The following APBB1IP variants were observed in gnomAD, a reference collection of about 807,000 sequenced individuals.
APBB1IP encodes the protein amyloid beta precursor protein binding family B member 1 interacting protein.
In APBB1IP, 27 loss-of-function variants were observed where a neutral mutation model predicts 64.9. The observed-to-expected ratio is 0.42, with a 90% CI of 0.31 to 0.57. The LOEUF (loss-of-function observed/expected upper bound fraction) is 0.57, where lower values mean the gene tolerates loss of function less well. Among genes scored for constraint, APBB1IP ranks in the 20% least tolerant of loss-of-function variants. APBB1IP has a pLI of 0.20. For synonymous variants in APBB1IP, 392 were observed against 331.0 expected (o/e 1.18, Z -2.00); for missense variants, 812 against 845.5 (o/e 0.96, Z 0.49).
Position 26,533,423 on chromosome 10 carries a change from T to C in APBB1IP, c.814-16T>C, listed in dbSNP as rs1471548603. ...AATGAACACTTACTGATCTGATCTT[T>C]TAACATTTTATTTAGAATTTCTACT... On this transcript the variant is annotated splice_polypyrimidine_tract_variant and intron_variant, in intron 8 of 14. Coordinates refer to ENST00000376236, the MANE Select transcript of APBB1IP (RefSeq NM_019043.4). The C allele has an allele frequency of 1.3e-6, 2 of 1,521,676 alleles. No homozygotes were observed. Among genetic ancestry groups the C allele is most frequent in the Admixed American group, 1.8e-5 (1 of 55,778 alleles). The allele number at this position is 1,521,676 out of a possible 1,614,324, so 94.3% of individuals were successfully genotyped here. A position where few individuals can be genotyped will look rare whatever the true frequency, so the allele number is the denominator to read the frequency against.
In APBB1IP at chr10:26,525,691, A is replaced by C. The variant is rs909018652; in HGVS notation, c.814-7748A>C. Reference sequence around the variant, plus strand: ...GGTTTATGGCTGAGGTCGCTATTGCAAAAGACAGATTACCAACAACAAAAA... The same window carrying C: ...GGTTTATGGCTGAGGTCGCTATTGCCAAAGACAGATTACCAACAACAAAAA... On this transcript the variant is annotated intron_variant, in intron 8 of 14. Coordinates refer to ENST00000376236, the MANE Select transcript of APBB1IP (RefSeq NM_019043.4). 1.8e-4 allele frequency among the ~76,000 whole-genome samples: 27 copies of C among 152,330 alleles called. 1 individual carries two copies. The highest frequency in any genetic ancestry group is 1.6e-3 in the Admixed American group (24 of 15,292).
Position 26,554,505 on chromosome 10 carries a change from C to G in APBB1IP, c.1156-5600C>G, listed in dbSNP as rs144090137. ...GACTATCTTCTTTCTTTGTCTTTGT[C>G]TGTGTCTGTTTCTTCTCTTCTTATA... On this transcript the variant is annotated intron_variant, in intron 11 of 14. Coordinates refer to ENST00000376236, the MANE Select transcript of APBB1IP (RefSeq NM_019043.4). Among the ~76,000 whole-genome samples, 636 of 152,304 alleles carry G rather than the reference C, an allele frequency of 4.2e-3. 5 individuals are homozygous for G. Among genetic ancestry groups the G allele is most frequent in the African/African-American group, 0.015 (613 of 41,564 alleles).
At chr10:26,493,502 A>T (rs1455741749) in intron 3 of APBB1IP, among the ~76,000 whole-genome samples, 1 of 152,138 alleles carries the variant, frequency 6.6e-6, no homozygotes, top group Non-Finnish European at 1.5e-5. Context: ...ACGTCCATGA[A>T]ATCTTCGCAA....
At chr10:26,560,029 T>A (rs535883844) in intron 11 of APBB1IP, 76 bp from the exon 12 acceptor site, 145 of 1,257,056 alleles carry the variant, frequency 1.2e-4, no homozygotes, top group African/African-American at 3.8e-4. Context: ...AGATTTTTTT[T>A]AAATTTCCTG....
chr10:26,493,696 A>T (rs1418752701), intron 3 of APBB1IP, among the ~76,000 whole-genome samples: 2 of 152,226 alleles, frequency 1.3e-5, no homozygotes, highest in African/African-American at 4.8e-5. Context: ...TTGATTAGAC[A>T]TACATCAAGC....
In APBB1IP at chr10:26,511,891, C is replaced by A; in HGVS notation, c.676C>A (p.Pro226Thr). Residue 226 changes from proline (P) to threonine (T), a missense_variant, in exon 7 of 15, where the codon CCG becomes ACG. This residue lies in a region of APBB1IP where 394 missense variants were observed against 413.1 expected (regional missense o/e 0.95). Transcript: ENST00000376236. ...NVDWCLYEIY[P>T]ELQIERFFED... is the part of the protein sequence containing the mutation. ...AGACTGGTGTCTTTATGAAATCTAC[C>A]CGGAACTACAAATTGGTAAGTCCCA... 6.2e-7 allele frequency: 1 copy of A among 1,614,164 alleles called. No individual in the cohort carries two copies. Among genetic ancestry groups the A allele is most frequent in the Non-Finnish European group, 8.5e-7 (1 of 1,180,022 alleles).
chr10:26,492,225 T>G (rs954136826), intron 2 of APBB1IP, 102 bp from the exon 3 acceptor site: 1 of 1,005,914 alleles, frequency 9.9e-7, no homozygotes. Context: ...CCAACTTAGC[T>G]GCCCATGGAT....
At chr10:26,494,565 C>T (rs1346607624) in intron 3 of APBB1IP, among the ~76,000 whole-genome samples, 1 of 152,222 alleles carries the variant, frequency 6.6e-6, no homozygotes, top group African/African-American at 2.4e-5. Context: ...CAGTGGCTCA[C>T]ACCTGTAATG....
rs534549559 is a variant in APBB1IP, at chr10:26,456,099, G to A, written c.-1+17246G>A. Among the ~76,000 whole-genome samples the A allele has an allele frequency of 1.2e-4, 18 of 152,312 alleles. No individual in the cohort carries two copies. In the East Asian group the frequency reaches 2.9e-3, roughly 24 times the overall value. On this transcript the variant is annotated intron_variant, in intron 2 of 14. Coordinates refer to ENST00000376236, the MANE Select transcript of APBB1IP (RefSeq NM_019043.4). ...AATGATTGCTAAGGGATGGGGAGAG[G>A]AGGAGTGAACGGATACAGGGTTTCT... is the stretch of plus-strand genomic sequence containing the variant.
intron 2 of APBB1IP, among the ~76,000 whole-genome samples, chr10:26,444,970 C>T (rs776039380): frequency 9.2e-5 from 14 of 151,712 alleles, no homozygotes; most frequent in South Asian, 2.1e-4. Context: ...TGGTGGTGCA[C>T]GCCTGTAGTC....
chr10:26,511,718 T>C, intron 6 of APBB1IP, 29 bp from the exon 7 acceptor site: 1 of 1,606,962 alleles, frequency 6.2e-7, no homozygotes, highest in Non-Finnish European at 8.5e-7. Flanking sequence ...TGCTGAAATT[T>C]ACTGGCTGCC....
At chr10:26,441,853 T>C (rs1253113345) in intron 2 of APBB1IP, among the ~76,000 whole-genome samples, 1 of 152,234 alleles carries the variant, frequency 6.6e-6, no homozygotes, top group African/African-American at 2.4e-5. Flanking sequence ...GATCATCACA[T>C]AGTAATAGCA....
chr10:26,541,433 C>T, intron 10 of APBB1IP, 149 bp from the exon 11 acceptor site: 1 of 626,008 alleles, frequency 1.6e-6, no homozygotes, highest in Non-Finnish European at 2.7e-6. Context: ...TTTGAGAAAA[C>T]CTATACATGG....
At chr10:26,500,722 TC>T in intron 4 of APBB1IP, 96 bp from the exon 5 acceptor site, 1 of 1,157,412 alleles carries the variant, frequency 8.6e-7, no homozygotes, top group Non-Finnish European at 1.2e-6. Flanking sequence ...AGATAATGAT[TC>T]CTTTCTACTC....
At chr10:26,468,546 G>A (rs1333659746) in intron 2 of APBB1IP, among the ~76,000 whole-genome samples, 6 of 152,178 alleles carry the variant, frequency 3.9e-5, no homozygotes, top group East Asian at 1.9e-4. Flanking sequence ...GTATATGTTC[G>A]TGGGTTCCCT....
At position 26,533,521 on chromosome 10, in the gene APBB1IP, T is replaced by C. The variant is rs1588608215; in HGVS notation, c.896T>C (p.Leu299Pro). ...AATGCTAAGAACAAGGAATCCTTAC[T>C]TGAGGTAAGGTTAATTTTGCAGAGT... Reference protein sequence around the residue: ...KMNAKNKESLLEESFCGTSII... With the variant: ...KMNAKNKESLPEESFCGTSII... Residue 299 changes from leucine (L) to proline (P), a missense_variant, in exon 9 of 15, where the codon CTT becomes CCT. This residue lies in a region of APBB1IP where 394 missense variants were observed against 413.1 expected (regional missense o/e 0.95). Coordinates refer to ENST00000376236, the MANE Select transcript of APBB1IP (RefSeq NM_019043.4). The C allele has an allele frequency of 6.3e-7, 1 of 1,596,098 alleles. No individual in the cohort carries two copies. The highest frequency in any genetic ancestry group is 8.5e-7 in the Non-Finnish European group (1 of 1,172,054).
At chr10:26,450,690 CTT>C (rs10685344) in intron 2 of APBB1IP, among the ~76,000 whole-genome samples, 11 of 138,840 alleles carry the variant, frequency 7.9e-5, no homozygotes, top group South Asian at 2.2e-4. Context: ...AACTCAGATT[CTT>C]TTTTTTTTTT....
chr10:26,524,528 G>A (rs1202433850), intron 8 of APBB1IP, among the ~76,000 whole-genome samples: 1 of 152,192 alleles, frequency 6.6e-6, no homozygotes, highest in Non-Finnish European at 1.5e-5. Context: ...CTGGCAGTTG[G>A]CTTGCAGTTT....
intron 2 of APBB1IP, among the ~76,000 whole-genome samples, chr10:26,439,401 T>C (rs1196172049): frequency 2.0e-5 from 3 of 152,238 alleles, no homozygotes; most frequent in East Asian, 1.9e-4. Flanking sequence ...AATAACTTTT[T>C]CCCCCGAATA....
Sources: allele counts gnomAD v4.1 joint callset (sites outside exome capture counted in the v4.1 genomes callset), GRCh38; gene constraint gnomAD v4.1.1; regional missense constraint gnomAD v4.1.1; transcripts MANE v1.5; gene names NCBI Gene and HGNC (gene_info 2026-07-23, HGNC 2026-07-21).